CDC25B: variants seen among roughly 807,000 people sequenced by gnomAD.
The protein encoded by CDC25B is M-phase inducer phosphatase 2.
A neutral mutation model predicts 69.8 loss-of-function variants in CDC25B; 33 were observed. The ratio of observed to expected loss-of-function variants is 0.47; its 90% CI spans 0.36 to 0.63. CDC25B has a LOEUF of 0.63. Ranked by LOEUF, CDC25B falls within the 30% of genes least tolerant of loss-of-function variation. CDC25B has a pLI of 0.00. For synonymous variants in CDC25B, 341 were observed against 314.6 expected, an observed-to-expected ratio of 1.08 and a Z score of -0.89; for missense variants, 727 against 809.1, an observed-to-expected ratio of 0.90 and a Z score of 1.23.
chr20:3,803,205 A>G lies in CDC25B; in HGVS notation c.1355A>G (p.Lys452Arg), dbSNP rs1306235409. The G allele has an allele frequency of 1.2e-6, 2 of 1,610,528 alleles. No individual in the cohort carries two copies. The highest frequency in any genetic ancestry group is 2.2e-5 in the East Asian group (1 of 44,852). Reference sequence around the variant, plus strand: ...TATGAATATGAAGGCGGGCACATCAAGGTAAGATGGGGCAATGGGGAGAGG... The same window carrying G: ...TATGAATATGAAGGCGGGCACATCAGGGTAAGATGGGGCAATGGGGAGAGG... ...YPYEYEGGHI[K>R]TAVNLPLERD... Residue 452 changes from lysine to arginine, a missense_variant and splice_region_variant, in exon 13 of 16, where the codon AAG becomes AGG. Around this residue, in one of 2 missense-constraint regions of CDC25B, gnomAD observed 359 missense variants for 463.4 expected, o/e 0.77. Coordinates refer to ENST00000245960, the MANE Select transcript of CDC25B (RefSeq NM_021873.4). The surrounding 1 kb of genome is among the most constrained non-coding windows in gnomAD (Gnocchi z 4.9).
intron 2 of CDC25B, 58 bp from the exon 3 acceptor site, chr20:3,798,354 G>A (rs373123353): frequency 2.0e-5 from 16 of 781,934 alleles, no homozygotes; most frequent in South Asian, 1.5e-4. Context: ...GGGACATGGT[G>A]GGGGAAAGAA....
At chr20:3,792,912 G>A (rs2088938746), upstream of CDC25B, among the ~76,000 whole-genome samples, 1 of 152,244 alleles carries the variant, frequency 6.6e-6, no homozygotes, top group African/African-American at 2.4e-5. Flanking sequence ...TGGAGTTGCT[G>A]GGATTATAGG....
upstream of CDC25B, among the ~76,000 whole-genome samples, chr20:3,792,463 TTTTG>T (rs1469672441): frequency 2.0e-5 from 3 of 151,918 alleles, no homozygotes; most frequent in Non-Finnish European, 2.9e-5. Flanking sequence ...CACTTGGATT[TTTTG>T]TTTGTTTGTC....
intron 1 of CDC25B, 30 bp downstream of exon 1, chr20:3,796,761 G>A (rs2089071029): frequency 6.5e-7 from 1 of 1,540,548 alleles, no homozygotes; most frequent in Non-Finnish European, 8.7e-7. Flanking sequence ...CTGCATATGG[G>A]GGTGAGAGGC....
At chr20:3,800,156 C>G in intron 3 of CDC25B, 132 bp from the exon 4 acceptor site, 1 of 738,458 alleles carries the variant, frequency 1.4e-6, no homozygotes, top group Admixed American at 2.7e-5. Context: ...TCTTCCCACC[C>G]CACCCCTTCC....
Position 3,804,547 on chromosome 20 carries a change from C to T in CDC25B, c.1491-22C>T, listed in dbSNP as rs764233543. Reference sequence around the variant, plus strand: ...GCCACTGCATGCCCCACTCTGACCACACCCTGCCCATGACGCCCCAGGTGC... The same window carrying T: ...GCCACTGCATGCCCCACTCTGACCATACCCTGCCCATGACGCCCCAGGTGC... On this transcript the variant is annotated intron_variant, in intron 14 of 15. Transcript: ENST00000245960. 2.6e-6 allele frequency: 4 copies of T among 1,535,240 alleles called. No individual in the cohort carries two copies. The South Asian group carries it at 3.4e-5, about 13-fold the overall frequency.
chr20:3,803,323 T>C lies in CDC25B; in HGVS notation c.1357-81T>C, dbSNP rs919892196. On this transcript the variant is annotated intron_variant, in intron 13 of 15. Coordinates refer to ENST00000245960, the MANE Select transcript of CDC25B (RefSeq NM_021873.4). This position sits in a 1 kb window ranked among gnomAD's most constrained non-coding sequence, Gnocchi z 4.9. ...CCCCTCTCATGGGGAGGGTTCCTACTAAGAGAAGGACAGCGACTGCACGGG... is the reference window on the plus strand; with the variant it reads ...CCCCTCTCATGGGGAGGGTTCCTACCAAGAGAAGGACAGCGACTGCACGGG... The C allele has an allele frequency of 3.1e-5, 49 of 1,601,674 alleles. No homozygotes were observed. The Admixed American group carries it at 6.2e-4, about 20-fold the overall frequency.
In CDC25B at chr20:3,805,848, G is replaced by A; in HGVS notation, c.*887G>A. The A allele has an allele frequency of 4.9e-6, 2 of 405,286 alleles. No individual in the cohort carries two copies. The highest frequency in any genetic ancestry group is 8.8e-6 in the Non-Finnish European group (2 of 227,960). 25.1% of individuals were successfully genotyped at this position (405,286 alleles called of 1,614,324 possible). A position where few individuals can be genotyped will look rare whatever the true frequency, so the allele number is the denominator to read the frequency against. On this transcript the variant is annotated 3_prime_UTR_variant, in exon 16 of 16. Transcript: ENST00000245960. ...GGCCGTGGATGGCCGTGGATGCGCA[G>A]TGCCTTGCATACCCAAACCAGGTGG...
intron 7 of CDC25B, 58 bp downstream of exon 7, chr20:3,801,151 G>C (rs2089268830): frequency 1.2e-6 from 2 of 1,608,872 alleles, no homozygotes; most frequent in Admixed American, 3.3e-5. Context: ...CGGAGAAGAG[G>C]AGGGTGGCCC....
At position 3,796,731 on chromosome 20, in the gene CDC25B, G is replaced by A; in HGVS notation, c.200G>A (p.Ser67Asn). ...QTMHDLAGLG[S>N]ETPKSQVGTL... ...ATGCACGACCTCGCCGGGCTCGGCAGGTAGGACACCCCAAGGAGGCTGCAT... is the reference window on the plus strand; with the variant it reads ...ATGCACGACCTCGCCGGGCTCGGCAAGTAGGACACCCCAAGGAGGCTGCAT... Residue 67 changes from serine to asparagine, a missense_variant and splice_region_variant, in exon 1 of 16, where the codon AGC (serine) becomes AAC (asparagine). Coordinates refer to ENST00000245960, the MANE Select transcript of CDC25B (RefSeq NM_021873.4). 1.3e-6 allele frequency: 2 copies of A among 1,566,592 alleles called. No homozygotes were observed. Among genetic ancestry groups the A allele is most frequent in the Non-Finnish European group, 1.7e-6 (2 of 1,165,742 alleles).
Position 3,805,603 on chromosome 20 carries a change from T to C in CDC25B, c.*642T>C. 2.5e-6 allele frequency: 1 copy of C among 397,508 alleles called. No individual in the cohort carries two copies. The highest frequency in any genetic ancestry group is 4.4e-6 in the Non-Finnish European group (1 of 225,680). The allele number at this position is 397,508 out of a possible 1,614,324, so 24.6% of individuals were successfully genotyped here. A position where few individuals can be genotyped will look rare whatever the true frequency, so the allele number is the denominator to read the frequency against. On this transcript the variant is annotated 3_prime_UTR_variant, in exon 16 of 16. Transcript: ENST00000245960. The stretch of plus-strand genomic sequence containing the variant: ...TCTCAGGACACTTCCGTAGACTGTT[T>C]AGGTTCCCCTGTCAAATATCAGTTA...
chr20:3,788,614 A>G (rs2088864006), intron 1 of CDC25B, among the ~76,000 whole-genome samples: 1 of 152,104 alleles, frequency 6.6e-6, no homozygotes, highest in Non-Finnish European at 1.5e-5. Flanking sequence ...CACGTGGGAG[A>G]CTTTTCCAGA....
At chr20:3,801,218 C>T in intron 7 of CDC25B, 36 bp from the exon 8 acceptor site, 1 of 1,607,680 alleles carries the variant, frequency 6.2e-7, no homozygotes. Flanking sequence ...GAACTATCTC[C>T]ACCTCTAAGT....
At chr20:3,797,058 C>T (rs1175755531) in intron 1 of CDC25B, among the ~76,000 whole-genome samples, 1 of 152,228 alleles carries the variant, frequency 6.6e-6, no homozygotes, top group African/African-American at 2.4e-5. Flanking sequence ...CATTTTGCCC[C>T]AGGATGGGAA....
chr20:3,787,585 A>G (rs1175934549), intron 1 of CDC25B, among the ~76,000 whole-genome samples: 1 of 152,220 alleles, frequency 6.6e-6, no homozygotes, highest in African/African-American at 2.4e-5. Flanking sequence ...ATGTATATAC[A>G]TAAGTGTGAA....
intron 9 of CDC25B, 27 bp from the exon 10 acceptor site, chr20:3,801,897 T>C: frequency 6.3e-7 from 1 of 1,595,802 alleles, no homozygotes; most frequent in Non-Finnish European, 8.6e-7. Context: ...CTGGGCACCC[T>C]GATCCCTAAC....
intron 1 of CDC25B, among the ~76,000 whole-genome samples, chr20:3,788,442 T>G (rs2088861556): frequency 6.6e-6 from 1 of 152,270 alleles, no homozygotes; most frequent in African/African-American, 2.4e-5. Flanking sequence ...TGTCTGCCAC[T>G]TGTCTAAGTT....
rs766135561 is a variant in CDC25B at position 3,801,991 on chromosome 20, G to T, written c.989G>T (p.Arg330Leu). ...RSPSMPCSVI[R>L]PILKRLERPQ... Reference sequence around the variant, plus strand: ...CCGTCCATGCCCTGCAGCGTGATCCGGCCCATCCTCAAGAGGCTGGAGCGG... The same window carrying T: ...CCGTCCATGCCCTGCAGCGTGATCCTGCCCATCCTCAAGAGGCTGGAGCGG... The change falls in exon 10 of 16, where the codon CGG (arginine) becomes CTG (leucine). Residue 330 changes from arginine (R) to leucine (L), a missense_variant. Transcript: ENST00000245960. 1.2e-6 allele frequency: 2 copies of T among 1,608,970 alleles called. No individual in the cohort carries two copies. Among genetic ancestry groups the T allele is most frequent in the Non-Finnish European group, 8.5e-7 (1 of 1,177,922 alleles).
chr20:3,791,897 C>T (rs1267312319), upstream of CDC25B, among the ~76,000 whole-genome samples: 2 of 152,176 alleles, frequency 1.3e-5, no homozygotes, highest in East Asian at 3.9e-4. Context: ...AGGTATAGAA[C>T]AGTGGTTTTT....
Sources: allele counts gnomAD v4.1 joint callset (sites outside exome capture counted in the v4.1 genomes callset), GRCh38; gene constraint gnomAD v4.1.1; regional missense constraint gnomAD v4.1.1; non-coding constraint Gnocchi (gnomAD v3.1); transcripts MANE v1.5; gene names NCBI Gene and HGNC (gene_info 2026-07-23, HGNC 2026-07-21).